The following PRDM16 variants were observed in gnomAD, a reference collection of about 807,000 sequenced individuals.
PRDM16 encodes PR/SET domain 16.
In PRDM16, 23 loss-of-function variants were observed where a neutral mutation model predicts 110.6. The ratio of observed to expected loss-of-function variants is 0.21; its 90% CI spans 0.15 to 0.29. PRDM16 has a LOEUF of 0.29. PRDM16 is among the 10% of genes least tolerant of loss of function. The probability of loss-of-function intolerance (pLI) is 1.00; values close to 1 mark genes in which losing one functional copy is unlikely to be tolerated. For missense variants in PRDM16, 1,615 were observed against 1,794.3 expected, an observed-to-expected ratio of 0.90 and a Z score of 1.81; for synonymous variants, 799 against 781.8, an observed-to-expected ratio of 1.02 and a Z score of -0.37.
chr1:3,385,603 A>T (rs1643181723), intron 4 of PRDM16, among the ~76,000 whole-genome samples: 2 of 152,212 alleles, frequency 1.3e-5, no homozygotes. Flanking sequence ...CAGGGTCCAC[A>T]CTTCCTGCAA....
At chr1:3,301,776 CAG>C (rs1443552865) in intron 3 of PRDM16, among the ~76,000 whole-genome samples, 2 of 152,190 alleles carry the variant, frequency 1.3e-5, no homozygotes, top group African/African-American at 4.8e-5. Flanking sequence ...CCCAGGCACA[CAG>C]GGGCACACAC....
intron 3 of PRDM16, chr1:3,310,011 C>T (rs1333947162): frequency 1.3e-5 from 2 of 152,202 alleles, no homozygotes; most frequent in Admixed American, 6.5e-5. Flanking sequence ...CGCTTGGTGC[C>T]GAGCCTTACC....
chr1:3,432,235 G>A (rs1167700096), intron 16 of PRDM16, 95 bp downstream of exon 16: 10 of 1,163,710 alleles, frequency 8.6e-6, no homozygotes, highest in Non-Finnish European at 1.1e-5. Context: ...TCCTAGGCCT[G>A]AGGAAGCTCT....
intron 3 of PRDM16, among the ~76,000 whole-genome samples, chr1:3,345,736 C>A (rs577253713): frequency 6.8e-6 from 1 of 147,362 alleles, no homozygotes; most frequent in South Asian, 2.2e-4. Context: ...CCGTGCTGCC[C>A]CCTCTGTGGT....
At chr1:3,306,994 TGG>T (rs1027536246) in intron 3 of PRDM16, 2 of 152,374 alleles carry the variant, frequency 1.3e-5, no homozygotes, top group African/African-American at 4.8e-5. Flanking sequence ...GCCCACTTTG[TGG>T]CCTGTGCCGC....
chr1:3,328,923 A>G (rs1641981322), intron 3 of PRDM16, among the ~76,000 whole-genome samples: 2 of 152,142 alleles, frequency 1.3e-5, no homozygotes, highest in South Asian at 4.1e-4. Flanking sequence ...CCCAGCATCC[A>G]CAGGGGCCTG....
At chr1:3,183,014 T>A (rs1644229144) in intron 1 of PRDM16, among the ~76,000 whole-genome samples, 1 of 152,208 alleles carries the variant, frequency 6.6e-6, no homozygotes, top group South Asian at 2.1e-4. Context: ...TACCCTGGAA[T>A]GAGATCATGG....
At chr1:3,139,177 C>T (rs1557476590) in intron 1 of PRDM16, among the ~76,000 whole-genome samples, 3 of 150,730 alleles carry the variant, frequency 2.0e-5, no homozygotes, top group Admixed American at 1.3e-4. Flanking sequence ...GTTGCTTCAT[C>T]GGGGAGAGGG....
intron 3 of PRDM16, among the ~76,000 whole-genome samples, chr1:3,292,569 G>A (rs796318209): frequency 5.1e-4 from 78 of 152,290 alleles, no homozygotes; most frequent in East Asian, 1.9e-4. Context: ...CGCGCTGTCC[G>A]GATGAGAGTG....
At chr1:3,130,733 C>T (rs1298768470) in intron 1 of PRDM16, among the ~76,000 whole-genome samples, 1 of 151,474 alleles carries the variant, frequency 6.6e-6, no homozygotes, top group Non-Finnish European at 1.5e-5. Flanking sequence ...CCCTCAAATA[C>T]TGTCGCCCTT....
At chr1:3,197,810 C>T (rs1638517726) in intron 2 of PRDM16, among the ~76,000 whole-genome samples, 1 of 152,084 alleles carries the variant, frequency 6.6e-6, no homozygotes, top group Non-Finnish European at 1.5e-5. Context: ...AGACGCAGGT[C>T]CCACGCGTTC....
intron 1 of PRDM16, among the ~76,000 whole-genome samples, chr1:3,145,584 C>T (rs1006541686): frequency 3.7e-4 from 56 of 152,266 alleles, no homozygotes; most frequent in Non-Finnish European, 2.1e-4. Flanking sequence ...CCACGTGGTG[C>T]AGCAGTGAAA....
chr1:3,128,450 A>G (rs1569630807), intron 1 of PRDM16, among the ~76,000 whole-genome samples: 1 of 152,212 alleles, frequency 6.6e-6, no homozygotes, highest in Non-Finnish European at 1.5e-5. Context: ...CGCAGGTCAC[A>G]GTAGCAGGGC....
chr1:3,395,288 G>C (rs893190273), intron 4 of PRDM16, among the ~76,000 whole-genome samples: 7 of 152,158 alleles, frequency 4.6e-5, no homozygotes, highest in Non-Finnish European at 8.8e-5. Context: ...TGGAGAGCCT[G>C]GCCTGACACA....
In PRDM16 at chr1:3,400,907, C is replaced by T. The variant is rs576122479; in HGVS notation, c.677-1884C>T. Among the ~76,000 whole-genome samples the T allele has an allele frequency of 5.3e-5, 8 of 152,322 alleles. No homozygotes were observed. In the South Asian group the frequency reaches 1.7e-3, roughly 32 times the overall value. The stretch of plus-strand genomic sequence containing the variant: ...CCCTTCCCTGTCAGCCAGATACTTA[C>T]CTCTGTCCAAAGACGGCACCAAAAA... On this transcript the variant is annotated intron_variant, in intron 5 of 16. Transcript: ENST00000270722.
intron 2 of PRDM16, among the ~76,000 whole-genome samples, chr1:3,195,067 G>A (rs928738524): frequency 1.5e-4 from 23 of 152,216 alleles, no homozygotes; most frequent in Admixed American, 2.6e-4. Flanking sequence ...GAGTGTTCCC[G>A]TGGAGCCAGC....
chr1:3,135,466 T>G (rs1220552832), intron 1 of PRDM16, among the ~76,000 whole-genome samples: 1 of 152,158 alleles, frequency 6.6e-6, no homozygotes, highest in Non-Finnish European at 1.5e-5. Flanking sequence ...GGTTTCACAG[T>G]GAGTTCAACG....
At chr1:3,357,278 C>T (rs903212685) in intron 3 of PRDM16, among the ~76,000 whole-genome samples, 6 of 152,154 alleles carry the variant, frequency 3.9e-5, no homozygotes, top group South Asian at 2.1e-4. Context: ...CTGCTGTGCC[C>T]TCCTGAAAAC....
At chr1:3,414,126 C>G (rs1643740537) in intron 9 of PRDM16, among the ~76,000 whole-genome samples, 1 of 152,212 alleles carries the variant, frequency 6.6e-6, no homozygotes, top group African/African-American at 2.4e-5. Flanking sequence ...CCAGGGACCC[C>G]CTTCAGAGTG....
Sources: allele counts gnomAD v4.1 joint callset (sites outside exome capture counted in the v4.1 genomes callset), GRCh38; gene constraint gnomAD v4.1.1; transcripts MANE v1.5; gene names NCBI Gene and HGNC (gene_info 2026-07-23, HGNC 2026-07-21).